Variants in GOLGA2 observed in about 807,000 individuals in gnomAD.
GOLGA2 encodes the protein golgin A2.
GOLGA2 carries 49 observed loss-of-function variants against 148.8 expected under a neutral mutation model. That is an observed-to-expected ratio of 0.33 (90% CI 0.26 to 0.42). The LOEUF is 0.42. Among genes scored for constraint, GOLGA2 ranks in the 10% least tolerant of loss-of-function variants. The pLI is 1.00. For missense variants in GOLGA2, 1,178 were observed against 1,304.6 expected, an observed-to-expected ratio of 0.90 and a Z score of 1.49; for synonymous variants, 501 against 511.8, an observed-to-expected ratio of 0.98 and a Z score of 0.28.
chr9:128,262,185 TA>T (rs58232809), intron 14 of GOLGA2, among the ~76,000 whole-genome samples: 7,974 of 120,020 alleles, frequency 0.066, 236 homozygotes, highest in East Asian at 0.19. Context: ...AGACCCCGTC[TA>T]AAAAAAAAAA....
At chr9:128,264,008 A>G (rs1830440689) in intron 12 of GOLGA2, among the ~76,000 whole-genome samples, 1 of 148,402 alleles carries the variant, frequency 6.7e-6, no homozygotes, top group African/African-American at 2.5e-5. Flanking sequence ...AAAAAAAAAT[A>G]CAAAAAATTA....
chr9:128,257,531 G>A lies in GOLGA2; in HGVS notation c.2719-6C>T. The A allele has an allele frequency of 1.9e-6, 3 of 1,614,048 alleles. No homozygotes were observed. Among genetic ancestry groups the A allele is most frequent in the African/African-American group, 1.3e-5 (1 of 75,032 alleles). On this transcript the variant is annotated splice_region_variant and splice_polypyrimidine_tract_variant and intron_variant, in intron 25 of 26. Transcript: ENST00000611957. The surrounding 1 kb of genome is among the most constrained non-coding windows in gnomAD (Gnocchi z 8.0). ...TGCAGCTCCAGCAGCTTCACCTGGA[G>A]GGAGGGGTGCTAAGCTGCCATGCCC...
intron 6 of GOLGA2, 52 bp from the exon 7 acceptor site, chr9:128,267,569 G>A (rs754930312): frequency 6.5e-6 from 9 of 1,380,894 alleles, no homozygotes; most frequent in Non-Finnish European, 9.3e-6. Flanking sequence ...CAGTGTCTAA[G>A]CCCTCTAACT....
chr9:128,260,783 C>G lies in GOLGA2; in HGVS notation c.1440G>C (p.Glu480Asp), dbSNP rs768981277. Residue 480 changes from glutamate to aspartate, a missense_variant, in exon 18 of 27, where the codon GAG becomes GAC. Around this residue, in one of 5 missense-constraint regions of GOLGA2, gnomAD observed 529 missense variants for 521.8 expected, o/e 1.01. Transcript: ENST00000611957. The surrounding 1 kb of genome is among the most constrained non-coding windows in gnomAD (Gnocchi z 4.8). ...RNQMAEPPPP[E>D]PPAGPSEVEQ... ...CCACCTCGGAGGGCCCTGCTGGGGGCTCTGGGGGCGGGGGTTCAGCTGAGA... is the reference window on the plus strand; with the variant it reads ...CCACCTCGGAGGGCCCTGCTGGGGGGTCTGGGGGCGGGGGTTCAGCTGAGA... The G allele has an allele frequency of 1.2e-6, 2 of 1,608,192 alleles. No homozygotes were observed. Among genetic ancestry groups the G allele is most frequent in the Non-Finnish European group, 1.7e-6 (2 of 1,177,614 alleles).
At position 128,260,190 on chromosome 9, in the gene GOLGA2, C is replaced by G; in HGVS notation, c.1759-1G>C. On this transcript the variant is annotated splice_acceptor_variant, in intron 18 of 26. Transcript: ENST00000611957. LOFTEE classifies it high-confidence loss of function. This position sits in a 1 kb window ranked among gnomAD's most constrained non-coding sequence, Gnocchi z 4.8. ...TGGTGATCTCCATGTTCTCATTAGT[C>G]TGGACAGAGAGAAGCAATCAGCGGC... 1 of 1,598,606 alleles carries G rather than the reference C, an allele frequency of 6.3e-7. No homozygotes were observed. Among genetic ancestry groups the G allele is most frequent in the Non-Finnish European group, 8.5e-7 (1 of 1,172,134 alleles).
Position 128,273,924 on chromosome 9 carries a change from T to C in GOLGA2, c.133A>G (p.Lys45Glu), listed in dbSNP as rs780232240. ...CCATTTTTTATTTTCTTCTTCTTTT[T>C]CGCTCCTGTAGGAACACCAGGGCTA... ...RNSPGVPTGA[K>E]KKKKIKNGSN... The change falls in exon 2 of 27, where the codon AAA becomes GAA. Residue 45 changes from lysine (K) to glutamate (E), a missense_variant. Physicochemically the swap from Lys to Glu is moderately conservative, Grantham distance 56. This residue lies in a region of GOLGA2 where 158 missense variants were observed against 156.6 expected (regional missense o/e 1.01). Transcript: ENST00000611957. The C allele has an allele frequency of 7.4e-6, 12 of 1,613,618 alleles. No individual in the cohort carries two copies. Among genetic ancestry groups the C allele is most frequent in the Non-Finnish European group, 8.5e-6 (10 of 1,179,634 alleles).
chr9:128,273,813 C>A (rs1368377866), intron 2 of GOLGA2, 37 bp downstream of exon 2: 1 of 1,607,452 alleles, frequency 6.2e-7, no homozygotes, highest in East Asian at 2.2e-5. Flanking sequence ...GCCCCTTGGG[C>A]CCCCTGTCCC....
chr9:128,265,682 T>A lies in GOLGA2; in HGVS notation c.836A>T (p.Glu279Val), dbSNP rs1258401215. The change falls in exon 12 of 27, where the codon GAA becomes GTA. Residue 279 changes from glutamate to valine, a missense_variant. By Grantham distance (121) the Glu-to-Val change is moderately radical (BLOSUM62 -2). Transcript: ENST00000611957. ...ATACTGCAGGCGGCTGGCCAGATCT[T>A]CAGACTCTCCTGGAATGAGAGAGGT... ...HAARQKEGES[E>V]DLASRLQYSR... is the part of the protein sequence containing the mutation. 3 of 1,613,878 alleles carry A rather than the reference T, an allele frequency of 1.9e-6. No homozygotes were observed. Among genetic ancestry groups the A allele is most frequent in the Non-Finnish European group, 2.5e-6 (3 of 1,179,892 alleles).
In GOLGA2 at chr9:128,257,268, C is replaced by G. The variant is rs758778024; in HGVS notation, c.2889G>C (p.Val963=). The G allele has an allele frequency of 2.5e-6, 4 of 1,612,864 alleles. No individual in the cohort carries two copies. Among genetic ancestry groups the G allele is most frequent in the Non-Finnish European group, 3.4e-6 (4 of 1,179,744 alleles). The change falls in exon 27 of 27, where the codon GTG becomes GTC. Residue 963 remains valine (V), a synonymous_variant. Coordinates refer to ENST00000611957, the MANE Select transcript of GOLGA2 (RefSeq NM_001366244.2). The surrounding 1 kb of genome is among the most constrained non-coding windows in gnomAD (Gnocchi z 8.0). ...CAGGCTCCACACTGCCGGCGAGGCT[C>G]ACCTCGCAAAGATCTTTGGAGAGAG... ...AANQQGDLCE[V]SLAGSVEPAQ...
Position 128,260,252 on chromosome 9 carries a change from T to A in GOLGA2, c.1759-63A>T. The A allele has an allele frequency of 7.5e-7, 1 of 1,340,052 alleles. No individual in the cohort carries two copies. The highest frequency in any genetic ancestry group is 1.1e-6 in the Non-Finnish European group (1 of 942,148). 83.0% of individuals were successfully genotyped at this position (1,340,052 alleles called of 1,614,324 possible). A position where few individuals can be genotyped will look rare whatever the true frequency, so the allele number is the denominator to read the frequency against. On this transcript the variant is annotated intron_variant, in intron 18 of 26. Coordinates refer to ENST00000611957, the MANE Select transcript of GOLGA2 (RefSeq NM_001366244.2). The surrounding 1 kb of genome is among the most constrained non-coding windows in gnomAD (Gnocchi z 4.8). ...GCTGGAGACCCCAGAACTTGCTGCC[T>A]TGGTGTCTGCCTCCCATGGCACCGG... is the stretch of plus-strand genomic sequence containing the variant.
intron 3 of GOLGA2, 135 bp from the exon 4 acceptor site, chr9:128,268,659 C>G: frequency 1.6e-6 from 1 of 622,414 alleles, no homozygotes; most frequent in Middle Eastern, 2.6e-4. Context: ...AGGAGCCACT[C>G]AGGGGTGTGG....
At chr9:128,270,144 T>TTC (rs1830847706) in intron 3 of GOLGA2, among the ~76,000 whole-genome samples, 1 of 149,388 alleles carries the variant, frequency 6.7e-6, no homozygotes, top group Non-Finnish European at 1.5e-5. Flanking sequence ...TTTTTTTTTT[T>TTC]TTTTTTGAGA....
At chr9:128,269,754 C>G (rs1830820679) in intron 3 of GOLGA2, among the ~76,000 whole-genome samples, 1 of 152,196 alleles carries the variant, frequency 6.6e-6, no homozygotes, top group Non-Finnish European at 1.5e-5. Context: ...GAAGCTGGGT[C>G]TGGGAGAAGT....
At chr9:128,265,348 C>T (rs996299759) in intron 12 of GOLGA2, among the ~76,000 whole-genome samples, 3 of 152,212 alleles carry the variant, frequency 2.0e-5, no homozygotes, top group Non-Finnish European at 2.9e-5. Flanking sequence ...AACGGCACAG[C>T]GGGCACTTGG....
At position 128,260,792 on chromosome 9, in the gene GOLGA2, C is replaced by T. The variant is rs192246902; in HGVS notation, c.1431G>A (p.Pro477=). 573 of 1,603,928 alleles carry T rather than the reference C, an allele frequency of 3.6e-4. 2 individuals are homozygous for T. In the African/African-American group the frequency reaches 7.0e-3, roughly 20 times the overall value. ...AGGGCCCTGCTGGGGGCTCTGGGGG[C>T]GGGGGTTCAGCTGAGAAAGGACGCA... ...AELRNQMAEP[P]PPEPPAGPSE... is the part of the protein sequence containing the mutation. Residue 477 remains proline (P), a synonymous_variant, in exon 18 of 27, where the codon CCG becomes CCA. Transcript: ENST00000611957. The surrounding 1 kb of genome is among the most constrained non-coding windows in gnomAD (Gnocchi z 4.8).
chr9:128,275,429 C>T, intron 1 of GOLGA2: 1 of 1,297,526 alleles, frequency 7.7e-7, no homozygotes. Context: ...GACCGCAGGG[C>T]CAGGACCCAG....
In GOLGA2 at chr9:128,256,395, G is replaced by A. The variant is rs1179790399; in HGVS notation, c.*672C>T. On this transcript the variant is annotated 3_prime_UTR_variant, in exon 27 of 27. Transcript: ENST00000611957. ...AAGAGTAAAGGGATGACTGGGAAGG[G>A]GTGGCAGGCACATGATGGGGGCGGA... 2 of 152,452 alleles carry A rather than the reference G, an allele frequency of 1.3e-5. No individual in the cohort carries two copies. Among genetic ancestry groups the A allele is most frequent in the African/African-American group, 4.8e-5 (2 of 41,474 alleles). 9.4% of individuals were successfully genotyped at this position (152,452 alleles called of 1,614,324 possible).
chr9:128,258,363 A>T lies in GOLGA2; in HGVS notation c.2289+92T>A. 1 of 1,297,322 alleles carries T rather than the reference A, an allele frequency of 7.7e-7. No homozygotes were observed. Among genetic ancestry groups the T allele is most frequent in the Non-Finnish European group, 1.1e-6 (1 of 901,378 alleles). The allele number at this position is 1,297,322 out of a possible 1,614,324, so 80.4% of individuals were successfully genotyped here. The stretch of plus-strand genomic sequence containing the variant: ...CAGGAAAGGGGTGAGGGTCCGAAGA[A>T]ATCAGAAGGCCGGGAAACCAAGAGC... On this transcript the variant is annotated intron_variant, in intron 22 of 26. Coordinates refer to ENST00000611957, the MANE Select transcript of GOLGA2 (RefSeq NM_001366244.2). The surrounding 1 kb of genome is among the most constrained non-coding windows in gnomAD (Gnocchi z 6.6).
At position 128,266,293 on chromosome 9, in the gene GOLGA2, C is replaced by T. The variant is rs745920953; in HGVS notation, c.675G>A (p.Leu225=). The T allele has an allele frequency of 2.5e-6, 4 of 1,612,698 alleles. No individual in the cohort carries two copies. Among genetic ancestry groups the T allele is most frequent in the East Asian group, 4.5e-5 (2 of 44,888 alleles). The change falls in exon 9 of 27, where the codon TTG becomes TTA. Residue 225 remains leucine (L), a synonymous_variant. Coordinates refer to ENST00000611957, the MANE Select transcript of GOLGA2 (RefSeq NM_001366244.2). This position sits in a 1 kb window ranked among gnomAD's most constrained non-coding sequence, Gnocchi z 4.2. ...AACAAAGAAATCACGTTACTTCTTC[C>T]AACTGATCCGTAATTTCTTGGTTCT... ...KQQNQEITDQ[L]EEEKKECHQK...
Sources: allele counts gnomAD v4.1 joint callset (sites outside exome capture counted in the v4.1 genomes callset), GRCh38; gene constraint gnomAD v4.1.1; regional missense constraint gnomAD v4.1.1; non-coding constraint Gnocchi (gnomAD v3.1); transcripts MANE v1.5; gene names NCBI Gene and HGNC (gene_info 2026-07-23, HGNC 2026-07-21).